Variants in APCDD1L observed in about 807,000 individuals in gnomAD.
APCDD1L encodes APC down-regulated 1 like.
APCDD1L carries 21 observed loss-of-function variants against 24.2 expected under a neutral mutation model. That is an observed-to-expected ratio of 0.87 (90% CI 0.61 to 1.25). The LOEUF (loss-of-function observed/expected upper bound fraction) is 1.25, where lower values mean the gene tolerates loss of function less well. APCDD1L is among the 50% of genes most tolerant of loss of function. The pLI is 0.00. For synonymous variants in APCDD1L, 321 were observed against 323.6 expected, an observed-to-expected ratio of 0.99 and a Z score of 0.09; for missense variants, 704 against 711.7, an observed-to-expected ratio of 0.99 and a Z score of 0.12.
intron 1 of APCDD1L, among the ~76,000 whole-genome samples, chr20:58,475,794 G>A (rs1013479665): frequency 6.6e-6 from 1 of 152,142 alleles, no homozygotes; most frequent in African/African-American, 2.4e-5. Context: ...CCCAGCACCT[G>A]GTGGCTCCAG....
chr20:58,474,428 G>A (rs1339219821), intron 1 of APCDD1L, among the ~76,000 whole-genome samples: 1 of 152,202 alleles, frequency 6.6e-6, no homozygotes, highest in Non-Finnish European at 1.5e-5. Flanking sequence ...TCTTGGCTGG[G>A]CACGGTGGCT....
At chr20:58,500,388 C>T (rs1990410101) in intron 1 of APCDD1L, among the ~76,000 whole-genome samples, 1 of 152,086 alleles carries the variant, frequency 6.6e-6, no homozygotes, top group Admixed American at 6.5e-5. Flanking sequence ...CCACCCCAAG[C>T]ATGAACGTCA....
chr20:58,512,073 AG>A (rs1990639437), intron 1 of APCDD1L, among the ~76,000 whole-genome samples: 1 of 152,254 alleles, frequency 6.6e-6, no homozygotes, highest in Non-Finnish European at 1.5e-5. Context: ...CAGGGTTTGA[AG>A]GAAGGTTCGC....
chr20:58,471,148 A>G (rs1989805157), intron 1 of APCDD1L, among the ~76,000 whole-genome samples: 1 of 152,140 alleles, frequency 6.6e-6, no homozygotes. Context: ...ACGCTCCTGG[A>G]CAAAGGGCAC....
chr20:58,492,732 T>A (rs1990243412), intron 1 of APCDD1L, among the ~76,000 whole-genome samples: 1 of 152,262 alleles, frequency 6.6e-6, no homozygotes, highest in Admixed American at 6.5e-5. Flanking sequence ...TGCATACGCA[T>A]GCACTGACAC....
At chr20:58,498,593 G>A (rs562105050) in intron 1 of APCDD1L, among the ~76,000 whole-genome samples, 24 of 152,310 alleles carry the variant, frequency 1.6e-4, no homozygotes, top group African/African-American at 4.3e-4. Flanking sequence ...TTGAGGGCCC[G>A]GCAGGGCAGA....
At chr20:58,486,642 C>T (rs982455697) in intron 1 of APCDD1L, among the ~76,000 whole-genome samples, 1 of 151,878 alleles carries the variant, frequency 6.6e-6, no homozygotes, top group Admixed American at 6.6e-5. Flanking sequence ...AAGAAAAATC[C>T]AAAGAAATAA....
chr20:58,467,395 T>C lies in APCDD1L; in HGVS notation c.452A>G (p.Gln151Arg). 3.3e-6 allele frequency: 5 copies of C among 1,524,702 alleles called. No individual in the cohort carries two copies. The highest frequency in any genetic ancestry group is 4.4e-6 in the Non-Finnish European group (5 of 1,139,006). The allele number at this position is 1,524,702 out of a possible 1,614,324, so 94.4% of individuals were successfully genotyped here. A position where few individuals can be genotyped will look rare whatever the true frequency, so the allele number is the denominator to read the frequency against. The change falls in exon 3 of 4, where the codon CAG becomes CGG. Residue 151 changes from glutamine to arginine, a missense_variant. By Grantham distance (43) the Gln-to-Arg change is conservative (BLOSUM62 1). Coordinates refer to ENST00000371149, the MANE Select transcript of APCDD1L (RefSeq NM_153360.3). The surrounding 1 kb of genome is among the most constrained non-coding windows in gnomAD (Gnocchi z 5.9). ...ALVDVTGRLN[Q>R]TRAGRDCARR... ...CGCGCAGTCCCGGCCGGCGCGGGTCTGGTTGAGGCGCCCGGTGACGTCGAC... is the reference window on the plus strand; with the variant it reads ...CGCGCAGTCCCGGCCGGCGCGGGTCCGGTTGAGGCGCCCGGTGACGTCGAC...
At chr20:58,501,087 A>G (rs1469776669) in intron 1 of APCDD1L, among the ~76,000 whole-genome samples, 4 of 152,168 alleles carry the variant, frequency 2.6e-5, no homozygotes, top group Non-Finnish European at 5.9e-5. Flanking sequence ...GTCTTATTGA[A>G]ACCTTCTGTC....
At chr20:58,509,787 C>A (rs997521674) in intron 1 of APCDD1L, among the ~76,000 whole-genome samples, 1 of 152,250 alleles carries the variant, frequency 6.6e-6, no homozygotes, top group African/African-American at 2.4e-5. Context: ...CAGCTAGATT[C>A]TTGGATGCCT....
intron 1 of APCDD1L, among the ~76,000 whole-genome samples, chr20:58,489,527 C>CA (rs1175731936): frequency 2.0e-5 from 3 of 151,614 alleles, no homozygotes; most frequent in Non-Finnish European, 4.4e-5. Context: ...ACTAAAAATA[C>CA]AAAAAAATTA....
At chr20:58,468,992 C>T (rs1989766336) in intron 2 of APCDD1L, among the ~76,000 whole-genome samples, 1 of 152,146 alleles carries the variant, frequency 6.6e-6, no homozygotes, top group Non-Finnish European at 1.5e-5. Flanking sequence ...CTGGTCAGAG[C>T]TAATGTGTCT....
chr20:58,479,036 G>C (rs117583686), intron 1 of APCDD1L, among the ~76,000 whole-genome samples: 3,102 of 152,160 alleles, frequency 0.02, 52 homozygotes, highest in Admixed American at 0.032. Context: ...GTGAAACCAG[G>C]ATCCTGACAT....
At chr20:58,463,891 T>G (rs1989660285) in intron 3 of APCDD1L, among the ~76,000 whole-genome samples, 1 of 70,106 alleles carries the variant, frequency 1.4e-5, no homozygotes, top group Non-Finnish European at 3.1e-5. Flanking sequence ...AACAGTTTTT[T>G]TTTGGGGGGG....
At chr20:58,491,572 T>G (rs188946869) in intron 1 of APCDD1L, among the ~76,000 whole-genome samples, 75 of 152,296 alleles carry the variant, frequency 4.9e-4, no homozygotes, top group African/African-American at 1.8e-3. Flanking sequence ...TTATTAAAAT[T>G]TCTTGAAAGA....
intron 1 of APCDD1L, among the ~76,000 whole-genome samples, chr20:58,483,698 G>T (rs191842884): frequency 6.6e-6 from 1 of 152,204 alleles, no homozygotes; most frequent in South Asian, 2.1e-4. Flanking sequence ...TACGGCCCCC[G>T]CTGGCTTGTG....
At chr20:58,495,089 T>C (rs1990296151) in intron 1 of APCDD1L, among the ~76,000 whole-genome samples, 1 of 152,114 alleles carries the variant, frequency 6.6e-6, no homozygotes, top group Non-Finnish European at 1.5e-5. Context: ...GATTGGACGC[T>C]TAGTGCTCAC....
At chr20:58,490,105 G>C (rs529147380) in intron 1 of APCDD1L, among the ~76,000 whole-genome samples, 14 of 152,182 alleles carry the variant, frequency 9.2e-5, no homozygotes, top group African/African-American at 3.4e-4. Flanking sequence ...TATTTTCTAT[G>C]GCAGGAGGTG....
chr20:58,490,312 G>A (rs1990200776), intron 1 of APCDD1L, among the ~76,000 whole-genome samples: 1 of 152,062 alleles, frequency 6.6e-6, no homozygotes. Context: ...ACCAGCTTCT[G>A]GTTCTGCACA....
Sources: allele counts gnomAD v4.1 joint callset (sites outside exome capture counted in the v4.1 genomes callset), GRCh38; gene constraint gnomAD v4.1.1; non-coding constraint Gnocchi (gnomAD v3.1); transcripts MANE v1.5; gene names NCBI Gene and HGNC (gene_info 2026-07-23, HGNC 2026-07-21).